Variants in HERC3 observed in about 807,000 individuals in gnomAD.
HERC3 encodes the protein HECT and RLD domain containing E3 ubiquitin protein ligase 3.
A neutral mutation model predicts 129.9 loss-of-function variants in HERC3; 58 were observed. The ratio of observed to expected loss-of-function variants is 0.45; its 90% CI spans 0.36 to 0.56. The LOEUF (loss-of-function observed/expected upper bound fraction) is 0.56. HERC3 is among the 20% of genes least tolerant of loss of function. The probability of loss-of-function intolerance (pLI) is 0.00; values close to 1 mark genes in which losing one functional copy is unlikely to be tolerated. For missense variants in HERC3, 835 were observed against 1,244.2 expected, an observed-to-expected ratio of 0.67 and a Z score of 4.95; for synonymous variants, 430 against 451.0, an observed-to-expected ratio of 0.95 and a Z score of 0.59.
At chr4:88,632,052 G>A (rs1298103152) in intron 3 of HERC3, among the ~76,000 whole-genome samples, 2 of 152,140 alleles carry the variant, frequency 1.3e-5, no homozygotes, top group Admixed American at 1.3e-4. Context: ...TGGCCCCAGA[G>A]GCAGAAGTCC....
chr4:88,579,232 A>ATT, the HERC3 span, among the ~76,000 whole-genome samples: 1 of 104,094 alleles, frequency 9.6e-6, no homozygotes, highest in African/African-American at 6.1e-5. Flanking sequence ...AAAAAAAAAA[A>ATT]ATATATATAT....
chr4:88,679,808 A>T (rs2924357), intron 19 of HERC3, among the ~76,000 whole-genome samples: 126 of 152,120 alleles, frequency 8.3e-4, no homozygotes, highest in African/African-American at 2.9e-3. Context: ...GTGAGCCACC[A>T]CGCCCAGCCA....
intron 21 of HERC3, among the ~76,000 whole-genome samples, chr4:88,682,860 A>G (rs1047723859): frequency 6.6e-6 from 1 of 152,000 alleles, no homozygotes; most frequent in Non-Finnish European, 1.5e-5. Flanking sequence ...GCCGGGTCAA[A>G]TGGTATTTCT....
chr4:88,662,407 T>A, intron 10 of HERC3, 24 bp from the exon 11 acceptor site: 1 of 1,593,016 alleles, frequency 6.3e-7, no homozygotes, highest in Non-Finnish European at 8.5e-7. Context: ...TTTCTTCTTT[T>A]TACTGTTACA....
chr4:88,692,849 T>C, intron 23 of HERC3: 1 of 979,482 alleles, frequency 1.0e-6, no homozygotes, highest in Non-Finnish European at 1.2e-6. Flanking sequence ...GCATATGGCC[T>C]CTCAGGGGCT....
At chr4:88,665,649 C>T (rs1730968166) in intron 12 of HERC3, among the ~76,000 whole-genome samples, 1 of 152,110 alleles carries the variant, frequency 6.6e-6, no homozygotes, top group African/African-American at 2.4e-5. Flanking sequence ...TCTGGGTATT[C>T]CTTAATCTAG....
the HERC3 span, among the ~76,000 whole-genome samples, chr4:88,577,202 G>T: frequency 6.6e-6 from 1 of 152,064 alleles, no homozygotes; most frequent in Non-Finnish European, 1.5e-5. Context: ...CCTCTGTTTT[G>T]GTTCAAGGTC....
chr4:88,695,348 G>A (rs975945230), intron 23 of HERC3, among the ~76,000 whole-genome samples: 4 of 152,138 alleles, frequency 2.6e-5, no homozygotes, highest in African/African-American at 9.7e-5. Context: ...CAGGGAAAAG[G>A]AAGCAAATGG....
Position 88,652,060 on chromosome 4 carries a change from C to T in HERC3, c.435C>T (p.Gly145=). The T allele has an allele frequency of 6.2e-7, 1 of 1,613,710 alleles. No individual in the cohort carries two copies. Among genetic ancestry groups the T allele is most frequent in the African/African-American group, 1.3e-5 (1 of 75,040 alleles). The stretch of plus-strand genomic sequence containing the variant: ...AAACAATATTACAAGTTTCCTGTGG[C>T]AACTGGCATTGCTTGGCTCTTGCGG... ...NQQTILQVSC[G]NWHCLALAAD... Residue 145 remains glycine, a synonymous_variant, in exon 5 of 26, where the codon GGC becomes GGT. Transcript: ENST00000402738.
At chr4:88,571,536 T>G in the HERC3 span, among the ~76,000 whole-genome samples, 1 of 152,208 alleles carries the variant, frequency 6.6e-6, no homozygotes, top group Non-Finnish European at 1.5e-5. Flanking sequence ...AGGACAGATT[T>G]GGTATGCAAA....
chr4:88,581,606 C>T, the HERC3 span, among the ~76,000 whole-genome samples: 1 of 151,942 alleles, frequency 6.6e-6, no homozygotes, highest in Non-Finnish European at 1.5e-5. Context: ...GTGCCCGGCC[C>T]TCTTTCTTTC....
rs111517708 is a variant in HERC3 at position 88,670,544 on chromosome 4, T to C, written c.1911+292T>C. Among the ~76,000 whole-genome samples the C allele has an allele frequency of 2.4e-3, 364 of 152,264 alleles. 2 individuals carry two copies. Among genetic ancestry groups the C allele is most frequent in the African/African-American group, 8.4e-3 (348 of 41,546 alleles). On this transcript the variant is annotated intron_variant, in intron 16 of 25. Transcript: ENST00000402738. Reference sequence around the variant, plus strand: ...AAACAGAAAGTACAGTGGTGATTGCTAGGGGCTGGAGGCAGGGGAAAATGG... The same window carrying C: ...AAACAGAAAGTACAGTGGTGATTGCCAGGGGCTGGAGGCAGGGGAAAATGG...
intron 2 of HERC3, among the ~76,000 whole-genome samples, chr4:88,596,618 G>T (rs1722422163): frequency 6.6e-6 from 1 of 152,224 alleles, no homozygotes; most frequent in African/African-American, 2.4e-5. Flanking sequence ...GGAGGTAGGA[G>T]AAGCAGCCAT....
chr4:88,696,257 T>A (rs960535127), intron 23 of HERC3: 16 of 152,602 alleles, frequency 1.0e-4, no homozygotes, highest in African/African-American at 3.9e-4. Flanking sequence ...AAACATTAGC[T>A]TCAGTGAAGA....
At chr4:88,607,190 T>C (rs1723753429) in intron 3 of HERC3, among the ~76,000 whole-genome samples, 1 of 151,898 alleles carries the variant, frequency 6.6e-6, no homozygotes, top group African/African-American at 2.4e-5. Context: ...TGTGTGTGTG[T>C]GTGTGTATGC....
chr4:88,697,273 G>C, intron 23 of HERC3: 2 of 1,589,412 alleles, frequency 1.3e-6, no homozygotes, highest in Non-Finnish European at 1.7e-6. Context: ...GGCAGCCTCT[G>C]CCGCAGCCTC....
rs747320996 is a variant in HERC3 at position 88,706,985 on chromosome 4, C to T, written c.*25C>T. 4.4e-6 allele frequency: 7 copies of T among 1,573,422 alleles called. No homozygotes were observed. The highest frequency in any genetic ancestry group is 5.2e-6 in the Non-Finnish European group (6 of 1,143,094). Reference sequence around the variant, plus strand: ...AGGCTTCTCAGCTTGTCCAGTATTTCCCTTCGTTCCTCAGTGTCCACATTG... The same window carrying T: ...AGGCTTCTCAGCTTGTCCAGTATTTTCCTTCGTTCCTCAGTGTCCACATTG... On this transcript the variant is annotated 3_prime_UTR_variant, in exon 26 of 26. Transcript: ENST00000402738.
At chr4:88,585,566 T>G in the HERC3 span, among the ~76,000 whole-genome samples, 1 of 151,814 alleles carries the variant, frequency 6.6e-6, no homozygotes, top group Admixed American at 6.6e-5. Flanking sequence ...TTGACTCACT[T>G]TTATTGGCTT....
chr4:88,664,885 T>C (rs1034494174), intron 12 of HERC3, among the ~76,000 whole-genome samples: 2 of 152,152 alleles, frequency 1.3e-5, no homozygotes, highest in Non-Finnish European at 2.9e-5. Flanking sequence ...CAGTAGTAAA[T>C]AGAATGTTTA....
Sources: allele counts gnomAD v4.1 joint callset (sites outside exome capture counted in the v4.1 genomes callset), GRCh38; gene constraint gnomAD v4.1.1; transcripts MANE v1.5; gene names NCBI Gene and HGNC (gene_info 2026-07-23, HGNC 2026-07-21).